Variants in ZBED6 observed in about 807,000 individuals in gnomAD.
The protein encoded by ZBED6 is zinc finger BED domain-containing protein 6.
In ZBED6, 40 loss-of-function variants were observed where a neutral mutation model predicts 58.4. The ratio of observed to expected loss-of-function variants is 0.68; its 90% CI spans 0.53 to 0.89. The LOEUF is 0.89. Ranked by LOEUF, ZBED6 falls within the 40% of genes least tolerant of loss-of-function variation. ZBED6 has a pLI of 0.00. For missense variants in ZBED6, 1,057 were observed against 1,003.9 expected, an observed-to-expected ratio of 1.05 and a Z score of -0.71; for synonymous variants, 439 against 350.6, an observed-to-expected ratio of 1.25 and a Z score of -2.82.
rs1239717639 is a variant in ZBED6, at chr1:203,797,803, C to T, written c.281C>T (p.Pro94Leu). ...AGTAAGGATTTGGGATCTGGGAGGC[C>T]TGTTGCAGATGCCCCTGCTTTGTTA... Residue 94 changes from proline (P) to leucine (L), a missense_variant, in exon 1 of 17, where the codon CCT becomes CTT. Transcript: ENST00000550078. The T allele has an allele frequency of 1.3e-6, 2 of 1,535,938 alleles. No homozygotes were observed. Among genetic ancestry groups the T allele is most frequent in the African/African-American group, 2.7e-5 (2 of 73,036 alleles).
intron 1 of ZBED6, among the ~76,000 whole-genome samples, chr1:203,809,490 T>C (rs976244212): frequency 2.0e-5 from 3 of 152,092 alleles, no homozygotes; most frequent in Admixed American, 1.3e-4. Context: ...TCTTTTTTCA[T>C]AGTGGTATGT....
At chr1:203,831,972 A>G (rs373077043) in intron 8 of ZBED6, among the ~76,000 whole-genome samples, 4 of 152,312 alleles carry the variant, frequency 2.6e-5, no homozygotes, top group African/African-American at 9.6e-5. Flanking sequence ...GCCCTCACAT[A>G]TATTTTTCCA....
At chr1:203,806,940 T>TA (rs1473915404) in intron 1 of ZBED6, among the ~76,000 whole-genome samples, 1 of 99,414 alleles carries the variant, frequency 1.0e-5, no homozygotes, top group African/African-American at 4.5e-5. Flanking sequence ...TACTACAGGA[T>TA]TTTTTTTGTT....
intron 6 of ZBED6, 32 bp from the exon 7 acceptor site, chr1:203,830,091 G>A (rs369807465): frequency 3.8e-5 from 59 of 1,535,448 alleles, no homozygotes; most frequent in South Asian, 2.9e-4. Flanking sequence ...AAAGGCTCCC[G>A]TTCCTCATAA....
chr1:203,821,968 A>G (rs998333317), intron 3 of ZBED6, among the ~76,000 whole-genome samples: 28 of 152,150 alleles, frequency 1.8e-4, no homozygotes, highest in Admixed American at 1.8e-3. Context: ...CGTGTTAGCC[A>G]GGATGGTCTC....
intron 1 of ZBED6, among the ~76,000 whole-genome samples, chr1:203,812,314 C>T (rs1238804573): frequency 4.6e-5 from 7 of 152,106 alleles, no homozygotes; most frequent in Admixed American, 6.6e-5. Flanking sequence ...TTTGTTGTTC[C>T]CCTCTATGTG....
chr1:203,820,911 TAATA>T (rs1342212953), intron 3 of ZBED6, among the ~76,000 whole-genome samples: 3 of 152,206 alleles, frequency 2.0e-5, no homozygotes, highest in Non-Finnish European at 4.4e-5. Context: ...TTTTTGTAAT[TAATA>T]AATATTTTGT....
chr1:203,843,351 G>A (rs182635719), intron 11 of ZBED6, among the ~76,000 whole-genome samples: 1 of 152,180 alleles, frequency 6.6e-6, no homozygotes, highest in Admixed American at 6.6e-5. Flanking sequence ...TTTTGAGTAT[G>A]ACTGCCCCAC....
intron 3 of ZBED6, among the ~76,000 whole-genome samples, chr1:203,819,012 T>C (rs1677297896): frequency 6.7e-6 from 1 of 149,318 alleles, no homozygotes; most frequent in African/African-American, 2.5e-5. Context: ...GAGGTTGCAG[T>C]GAGCTGAGAT....
chr1:203,851,122 C>T (rs764985665), exon 16 of ZBED6: 2 of 1,614,098 alleles, frequency 1.2e-6, no homozygotes, highest in Non-Finnish European at 1.7e-6. Flanking sequence ...ATCCTAGAGA[C>T]AGGTAATACT....
chr1:203,830,233 T>C (rs777309642), intron 7 of ZBED6, 30 bp downstream of exon 7: 17 of 1,529,382 alleles, frequency 1.1e-5, no homozygotes, highest in Non-Finnish European at 1.5e-5. Flanking sequence ...CATGGATAGT[T>C]GTATGTTGCT....
chr1:203,850,148 A>T (rs1436174435), intron 14 of ZBED6, 122 bp downstream of exon 14: 1 of 809,938 alleles, frequency 1.2e-6, no homozygotes, highest in African/African-American at 1.8e-5. Flanking sequence ...ATCCACAGGT[A>T]GATAGTAATA....
intron 11 of ZBED6, among the ~76,000 whole-genome samples, chr1:203,846,255 CATT>C (rs993322333): frequency 1.1e-4 from 16 of 148,910 alleles, no homozygotes; most frequent in Middle Eastern, 3.3e-3. Flanking sequence ...TATCTCTTTT[CATT>C]ATTTATTTTC....
intron 11 of ZBED6, 43 bp from the exon 12 acceptor site, chr1:203,847,141 T>A: frequency 6.2e-7 from 1 of 1,601,634 alleles, no homozygotes; most frequent in Non-Finnish European, 8.5e-7. Flanking sequence ...CAGTAAGAGA[T>A]GAACTTCAAG....
At chr1:203,816,342 AGGCTGGGCGGGAT>A (rs1676371803) in intron 1 of ZBED6, among the ~76,000 whole-genome samples, 1 of 152,164 alleles carries the variant, frequency 6.6e-6, no homozygotes, top group Admixed American at 6.6e-5. Flanking sequence ...AATGTAGATC[AGGCTGGGCGGGAT>A]GGCTCACACC....
rs61827265 is a variant in ZBED6 at position 203,820,487 on chromosome 1, T to C, written c.*2873+1798T>C. Among the ~76,000 whole-genome samples, 105 of 152,172 alleles carry C rather than the reference T, an allele frequency of 6.9e-4. 1 individual carries two copies. Among genetic ancestry groups the C allele is most frequent in the Admixed American group, 1.4e-3 (21 of 15,264 alleles). ...CAAATTATGTGTGTGTGTGTGTATA[T>C]TTTGAGTTGAGACAGAGTCTCGCGC... On this transcript the variant is annotated intron_variant, in intron 3 of 16. Coordinates refer to ENST00000550078, the Ensembl canonical transcript of ZBED6.
intron 3 of ZBED6, among the ~76,000 whole-genome samples, chr1:203,821,141 G>A (rs755854080): frequency 4.6e-5 from 7 of 152,092 alleles, no homozygotes; most frequent in Non-Finnish European, 1.0e-4. Flanking sequence ...TCTCATGATA[G>A]TGAGTGCGTT....
At chr1:203,854,008 C>T (rs1266383987) in exon 17 of ZBED6, 1 of 152,586 alleles carries the variant, frequency 6.6e-6, no homozygotes, top group Non-Finnish European at 1.5e-5. Context: ...AATTTTGTTT[C>T]ATATTTAAAG....
Position 203,798,815 on chromosome 1 carries a change from A to T in ZBED6, c.1293A>T (p.Pro431=), listed in dbSNP as rs758481164. ...ATCCTTACAACTATTTCTCAACCCC[A>T]GCCTTTCAGAGGTTCATGCAGATTG... The change falls in exon 1 of 17, where the codon CCA becomes CCT. Residue 431 remains proline (P), a synonymous_variant. Coordinates refer to ENST00000550078, the Ensembl canonical transcript of ZBED6. 3.1e-5 allele frequency: 48 copies of T among 1,536,014 alleles called. No homozygotes were observed. In the South Asian group the frequency reaches 5.1e-4, roughly 16 times the overall value.
Sources: gnomAD v4.1 joint callset for allele counts (sites outside exome capture counted in the v4.1 genomes callset) on GRCh38, gnomAD v4.1.1 for gene constraint, MANE v1.5 for transcripts, NCBI Gene and HGNC (gene_info 2026-07-23, HGNC 2026-07-21) for gene names.